The following MYL5 variants were observed in gnomAD, a reference collection of about 807,000 sequenced individuals.
The protein encoded by MYL5 is myosin regulatory light chain 5.
In MYL5, 28 loss-of-function variants were observed where a neutral mutation model predicts 20.8. The observed-to-expected ratio is 1.35, with a 90% CI of 1.00 to 1.84. MYL5 has a LOEUF of 1.84. Among genes scored for constraint, MYL5 ranks in the 40% most tolerant of loss-of-function variants. MYL5 has a pLI of 0.00. For synonymous variants in MYL5, 118 were observed against 87.4 expected (o/e 1.35, Z -1.95); for missense variants, 274 against 227.3 (o/e 1.21, Z -1.32).
intron 3 of MYL5, among the ~76,000 whole-genome samples, chr4:679,431 G>GC (rs1249199592): frequency 4.6e-5 from 7 of 152,232 alleles, no homozygotes; most frequent in Non-Finnish European, 8.8e-5. Context: ...TGGAGACGCT[G>GC]CCCAGCCTCT....
upstream of MYL5, among the ~76,000 whole-genome samples, chr4:676,691 G>A (rs918346106): frequency 1.3e-5 from 2 of 152,118 alleles, no homozygotes; most frequent in East Asian, 3.9e-4. Flanking sequence ...TTCCCCCCTC[G>A]GTGTGGTTCT....
chr4:679,267 C>CA (rs1171926940), intron 3 of MYL5: 7 of 637,464 alleles, frequency 1.1e-5, no homozygotes, highest in East Asian at 3.0e-5. Context: ...CCTGGAAACT[C>CA]AGAGTGGGCT....
At chr4:680,705 C>G (rs909674256) in intron 5 of MYL5, 118 bp downstream of exon 7, 14 of 1,066,104 alleles carry the variant, frequency 1.3e-5, no homozygotes, top group Non-Finnish European at 1.9e-5. Context: ...CTCTGACCAG[C>G]TTCAGGGCCA....
chr4:679,253 C>G (rs1739190931), intron 3 of MYL5: 2 of 665,054 alleles, frequency 3.0e-6, no homozygotes, highest in East Asian at 5.6e-5. Context: ...TGGGACAGCC[C>G]AAGCCTGGAA....
chr4:679,054 C>T (rs777479919), intron 3 of MYL5, 21 bp downstream of exon 5: 1 of 1,608,334 alleles, frequency 6.2e-7, no homozygotes, highest in Admixed American at 1.7e-5. Context: ...AGGCAGAACG[C>T]CTCAGAGCCC....
intron 3 of MYL5, 106 bp downstream of exon 5, chr4:679,139 C>A: frequency 9.2e-7 from 1 of 1,087,088 alleles, no homozygotes; most frequent in Non-Finnish European, 1.4e-6. Context: ...AGGGCCCGCG[C>A]CTCAGAGGCC....
chr4:680,890 C>T, intron 5 of MYL5: 1 of 668,238 alleles, frequency 1.5e-6, no homozygotes, highest in Admixed American at 2.7e-5. Flanking sequence ...CCTTCCGGCT[C>T]TGTCCCCATC....
intron 5 of MYL5, 49 bp from the exon 8 acceptor site, chr4:681,043 C>G (rs765477700): frequency 1.9e-6 from 3 of 1,560,974 alleles, no homozygotes; most frequent in South Asian, 2.4e-5. Context: ...ACCGAGAAGG[C>G]TCCTGCACCC....
rs75817957 is a variant in MYL5, at chr4:680,584, A to T, written c.368A>T (p.Glu123Val). The stretch of plus-strand genomic sequence containing the variant: ...GACGGGAAAGGGAAAATCAACAAGG[A>T]GTAGTGAGTGCCCGGGCGGCCAGGG... The change falls in exon 5 of 7, where the codon GAG becomes GTG. Residue 123 changes from glutamate (E) to valine (V), a missense_variant. Transcript: ENST00000400159. The T allele has an allele frequency of 1.1e-3, 1,758 of 1,612,704 alleles. 23 individuals carry two copies. The African/African-American group carries it at 0.021, about 19-fold the overall frequency.
chr4:675,120 C>G (rs2109308947), upstream of MYL5: 1 of 152,642 alleles, frequency 6.6e-6, no homozygotes, highest in South Asian at 2.1e-4. Context: ...GAGCCCCACA[C>G]TGGTCTTTGC....
At chr4:681,521 G>A (rs1411529598) in intron 6 of MYL5, among the ~76,000 whole-genome samples, 2 of 91,298 alleles carry the variant, frequency 2.2e-5, no homozygotes, top group Non-Finnish European at 4.3e-5. Context: ...ACCTCCCCCA[G>A]ACCCCACACG....
Position 680,023 on chromosome 4 carries a change from G to C in MYL5, c.292+5G>C, listed in dbSNP as rs759222871. 1.9e-5 allele frequency: 30 copies of C among 1,608,192 alleles called. No homozygotes were observed. Among genetic ancestry groups the C allele is most frequent in the Non-Finnish European group, 2.5e-5 (29 of 1,176,702 alleles). ...TGTTTGGGGAGAAGCTGAGCGGTGA[G>C]CACCGGTGGGGCAGGCCTGGCCCTC... On this transcript the variant is annotated splice_donor_5th_base_variant and intron_variant, in intron 4 of 6. Coordinates refer to ENST00000400159, the Ensembl canonical transcript of MYL5.
chr4:678,499 C>G lies in MYL5; in HGVS notation c.4-159C>G, dbSNP rs1327798798. 3 of 1,443,042 alleles carry G rather than the reference C, an allele frequency of 2.1e-6. No individual in the cohort carries two copies. The African/African-American group carries it at 4.3e-5, about 21-fold the overall frequency. 89.4% of individuals were successfully genotyped at this position (1,443,042 alleles called of 1,614,324 possible). A position where few individuals can be genotyped will look rare whatever the true frequency, so the allele number is the denominator to read the frequency against. ...CCGTCCTGCCCCCAACCCCAGCTAC[C>G]CAGGCCTGAGGCTGGCATGCTCCTC... is the stretch of plus-strand genomic sequence containing the variant. On this transcript the variant is annotated intron_variant, in intron 1 of 6. Transcript: ENST00000400159.
chr4:678,553 G>C lies in MYL5; in HGVS notation c.4-105G>C, dbSNP rs1739092873. On this transcript the variant is annotated intron_variant, in intron 1 of 6. Coordinates refer to ENST00000400159, the Ensembl canonical transcript of MYL5. ...TGTCTGGCCCCCTCCAGCCCGAAGG[G>C]CTGAGGTCCACCCTTCATCTGAGTT... 7.4e-6 allele frequency: 11 copies of C among 1,487,804 alleles called. No homozygotes were observed. In the East Asian group the frequency reaches 2.5e-4, roughly 33 times the overall value. The allele number at this position is 1,487,804 out of a possible 1,614,324, so 92.2% of individuals were successfully genotyped here. A position where few individuals can be genotyped will look rare whatever the true frequency, so the allele number is the denominator to read the frequency against.
Position 678,714 on chromosome 4 carries a change from A to AT in MYL5, c.61dup (p.Ser21PhefsTer8). The AT allele has an allele frequency of 1.2e-6, 2 of 1,612,394 alleles. No individual in the cohort carries two copies. Among genetic ancestry groups the AT allele is most frequent in the South Asian group, 2.2e-5 (2 of 90,846 alleles). ...GTGCCCTCCGGGCCCAGAGAGCCTC[A>AT]TCCAATGTCTTCTCCAACTTTGAGC... On this transcript the variant is annotated frameshift_variant, in exon 2 of 7. Coordinates refer to ENST00000400159, the Ensembl canonical transcript of MYL5. LOFTEE classifies it high-confidence loss of function.
chr4:680,616 G>GGCTTCC (rs1418276933), intron 5 of MYL5, 29 bp downstream of exon 7: 7 of 1,604,798 alleles, frequency 4.4e-6, no homozygotes, highest in Non-Finnish European at 6.0e-6. Context: ...AGGGCGGCCC[G>GGCTTCC]GCTTCCGGGG....
At chr4:681,944 T>C (rs2109380940) in exon 7 of MYL5, 5 of 1,341,366 alleles carry the variant, frequency 3.7e-6, no homozygotes, top group Non-Finnish European at 4.8e-6. Flanking sequence ...CAACCTGGAC[T>C]ACAAGGCGCT....
intron 6 of MYL5, among the ~76,000 whole-genome samples, chr4:681,416 C>G (rs1463591311): frequency 6.6e-6 from 1 of 152,004 alleles, no homozygotes; most frequent in African/African-American, 2.4e-5. Flanking sequence ...GCGGGGCTCA[C>G]AGCTGTGCGG....
intron 6 of MYL5, among the ~76,000 whole-genome samples, chr4:681,471 C>T (rs138857123): frequency 0.034 from 5,044 of 148,864 alleles, 116 homozygotes; most frequent in Non-Finnish European, 0.047. Context: ...CCAGCCCCAG[C>T]GGGCGAGACT....
Sources: gnomAD v4.1 joint callset for allele counts (sites outside exome capture counted in the v4.1 genomes callset) on GRCh38, gnomAD v4.1.1 for gene constraint, MANE v1.5 for transcripts, NCBI Gene and HGNC (gene_info 2026-07-23, HGNC 2026-07-21) for gene names.